CLOCK: variants seen among roughly 807,000 people sequenced by gnomAD.
The protein encoded by CLOCK is circadian locomoter output cycles protein kaput.
In CLOCK, 43 loss-of-function variants were observed where a neutral mutation model predicts 118.4. The ratio of observed to expected loss-of-function variants is 0.36; its 90% CI spans 0.28 to 0.47. The LOEUF is 0.47. Ranked by LOEUF, CLOCK falls within the 20% of genes least tolerant of loss-of-function variation. The pLI, the probability that CLOCK is intolerant of heterozygous loss-of-function variation, is 1.00. For missense variants in CLOCK, 846 were observed against 999.9 expected (o/e 0.85, Z 2.08); for synonymous variants, 326 against 339.2 (o/e 0.96, Z 0.43).
chr4:55,542,518 T>C (rs1731348161), intron 1 of CLOCK, among the ~76,000 whole-genome samples: 2 of 151,364 alleles, frequency 1.3e-5, no homozygotes, highest in African/African-American at 4.9e-5. Context: ...ACTCTGAACT[T>C]TTTGCAAACT....
At chr4:55,467,759 T>C (rs1391383941) in intron 8 of CLOCK, among the ~76,000 whole-genome samples, 1 of 151,494 alleles carries the variant, frequency 6.6e-6, no homozygotes, top group Non-Finnish European at 1.5e-5. Flanking sequence ...CTGTCCTTTT[T>C]TCTGCCTATG....
At chr4:55,470,623 T>C (rs1047789421) in intron 8 of CLOCK, 94 bp downstream of exon 8, 7 of 870,822 alleles carry the variant, frequency 8.0e-6, no homozygotes, top group African/African-American at 6.7e-5. Flanking sequence ...TTAACGACTG[T>C]TGTACACTGC....
intron 2 of CLOCK, among the ~76,000 whole-genome samples, chr4:55,502,357 A>C (rs1374680698): frequency 6.6e-6 from 1 of 152,170 alleles, no homozygotes; most frequent in Non-Finnish European, 1.5e-5. Flanking sequence ...AGAGTATGGC[A>C]ATGGCATGAC....
intron 1 of CLOCK, among the ~76,000 whole-genome samples, chr4:55,525,267 G>A (rs1310311982): frequency 2.6e-5 from 4 of 152,192 alleles, no homozygotes; most frequent in African/African-American, 9.6e-5. Flanking sequence ...GAGGTTGGGA[G>A]TTCGAGACCA....
chr4:55,525,109 G>A (rs1032795786), intron 1 of CLOCK, among the ~76,000 whole-genome samples: 2 of 152,142 alleles, frequency 1.3e-5, no homozygotes. Flanking sequence ...TTAGAATGAT[G>A]AAATCACAAT....
chr4:55,533,745 G>A (rs13132084), intron 1 of CLOCK, among the ~76,000 whole-genome samples: 51,163 of 151,510 alleles, frequency 0.34, 9,288 homozygotes, highest in East Asian at 0.58. Context: ...TCTACTAATA[G>A]CACAAAAATT....
chr4:55,490,234 TA>T (rs1194087225), intron 2 of CLOCK, among the ~76,000 whole-genome samples: 1 of 151,888 alleles, frequency 6.6e-6, no homozygotes, highest in Non-Finnish European at 1.5e-5. Context: ...CATACTTAGA[TA>T]AAATAGATGT....
intron 15 of CLOCK, 137 bp from the exon 16 acceptor site, chr4:55,450,369 T>A: frequency 1.1e-6 from 1 of 916,692 alleles, no homozygotes; most frequent in Non-Finnish European, 1.7e-6. Flanking sequence ...CATACACATG[T>A]AAAGAAATGA....
intron 1 of CLOCK, among the ~76,000 whole-genome samples, chr4:55,542,652 T>C (rs1271835496): frequency 6.6e-6 from 1 of 151,916 alleles, no homozygotes; most frequent in African/African-American, 2.4e-5. Flanking sequence ...TAGTTGTTTG[T>C]TGTCAGTTAA....
intron 2 of CLOCK, among the ~76,000 whole-genome samples, chr4:55,500,829 C>T (rs1728385842): frequency 2.0e-5 from 3 of 152,044 alleles, no homozygotes; most frequent in Admixed American, 1.3e-4. Flanking sequence ...CGATCGTTCT[C>T]CAGTGTTTCT....
rs1199856269 is a variant in CLOCK at position 55,525,962 on chromosome 4, A to G, written c.-289-15897T>C. ...TAACTATAGGTTGAGTATCCCTAAT[A>G]CAAAAATCCAGAATCTGAAATGCTC... On this transcript the variant is annotated intron_variant, in intron 1 of 22. Coordinates refer to ENST00000513440, the MANE Select transcript of CLOCK (RefSeq NM_004898.4). Among the ~76,000 whole-genome samples, 3 of 152,116 alleles carry G rather than the reference A, an allele frequency of 2.0e-5. 1 individual carries two copies. Among genetic ancestry groups the G allele is most frequent in the Admixed American group, 2.0e-4 (3 of 15,270 alleles).
intron 11 of CLOCK, 37 bp downstream of exon 11, chr4:55,458,855 C>A (rs1225726108): frequency 1.4e-6 from 2 of 1,474,930 alleles, no homozygotes; most frequent in East Asian, 2.3e-5. Context: ...AGCATATGAA[C>A]TGAAATCCCC....
chr4:55,437,131 A>T (rs1471129531), intron 22 of CLOCK, among the ~76,000 whole-genome samples: 2 of 152,188 alleles, frequency 1.3e-5, no homozygotes, highest in Non-Finnish European at 2.9e-5. Context: ...GGTCTAAAAG[A>T]CTGTATGACT....
intron 2 of CLOCK, among the ~76,000 whole-genome samples, chr4:55,489,947 A>T (rs1280917526): frequency 1.3e-5 from 2 of 152,150 alleles, no homozygotes; most frequent in Non-Finnish European, 2.9e-5. Flanking sequence ...AGAAAGAAAG[A>T]AAGAAACACA....
At chr4:55,537,993 TA>T (rs1731014011) in intron 1 of CLOCK, among the ~76,000 whole-genome samples, 1 of 152,134 alleles carries the variant, frequency 6.6e-6, no homozygotes, top group African/African-American at 2.4e-5. Flanking sequence ...TCAATTAAAC[TA>T]AAAGTTAACT....
chr4:55,507,425 C>T (rs1245795674), intron 2 of CLOCK, among the ~76,000 whole-genome samples: 1 of 151,904 alleles, frequency 6.6e-6, no homozygotes, highest in African/African-American at 2.4e-5. Flanking sequence ...CCAGCCTGTC[C>T]AACATGGCAA....
At chr4:55,542,593 G>T (rs1378871141) in intron 1 of CLOCK, among the ~76,000 whole-genome samples, 1 of 151,750 alleles carries the variant, frequency 6.6e-6, no homozygotes, top group Admixed American at 6.6e-5. Flanking sequence ...AAACCCTCTG[G>T]AACTATTAGA....
chr4:55,518,825 G>A (rs1729678190), intron 1 of CLOCK, among the ~76,000 whole-genome samples: 1 of 152,170 alleles, frequency 6.6e-6, no homozygotes, highest in Admixed American at 6.5e-5. Context: ...AAGATACTTT[G>A]TTACAGCAGC....
intron 1 of CLOCK, among the ~76,000 whole-genome samples, chr4:55,518,970 C>A (rs2110054589): frequency 6.6e-6 from 1 of 152,320 alleles, no homozygotes; most frequent in East Asian, 1.9e-4. Flanking sequence ...CTGCCCCCCA[C>A]CCAATCCAAC....
Sources: gnomAD v4.1 joint callset for allele counts (sites outside exome capture counted in the v4.1 genomes callset) on GRCh38, gnomAD v4.1.1 for gene constraint, MANE v1.5 for transcripts, NCBI Gene and HGNC (gene_info 2026-07-23, HGNC 2026-07-21) for gene names.